MSR1: variants seen among roughly 807,000 people sequenced by gnomAD.
MSR1 encodes macrophage scavenger receptor types I and II.
In MSR1, 53 loss-of-function variants were observed where a neutral mutation model predicts 47.2. That is an observed-to-expected ratio of 1.12 (90% confidence interval 0.90 to 1.41). MSR1 has a LOEUF of 1.41. MSR1 is among the 40% of genes most tolerant of loss of function. MSR1 has a pLI of 0.00. For missense variants in MSR1, 786 were observed against 546.9 expected (o/e 1.44, Z -4.36); for synonymous variants, 239 against 185.6 (o/e 1.29, Z -2.34).
intron 1 of MSR1, among the ~76,000 whole-genome samples, chr8:16,189,388 C>CA (rs1239552768): frequency 2.1e-5 from 2 of 96,600 alleles, no homozygotes; most frequent in African/African-American, 4.5e-5. Flanking sequence ...TATATAAAAT[C>CA]TTATTTTATA....
rs779611478 is a variant in MSR1, at chr8:16,110,038, T to C, written c.*47A>G. 1.9e-6 allele frequency: 3 copies of C among 1,609,958 alleles called. No homozygotes were observed. The highest frequency in any genetic ancestry group is 1.3e-5 in the African/African-American group (1 of 74,990). On this transcript the variant is annotated 3_prime_UTR_variant, in exon 10 of 10. Transcript: ENST00000262101. ...ATTTTACAGGAACAAGGTAATAAAA[T>C]CATTTTTGAGCAGCGATTTCATAGT...
At chr8:16,146,791 A>G (rs1193230213) in intron 7 of MSR1, among the ~76,000 whole-genome samples, 1 of 152,114 alleles carries the variant, frequency 6.6e-6, no homozygotes, top group African/African-American at 2.4e-5. Flanking sequence ...CCCATAAAAT[A>G]TTATTAAAAT....
rs762529909 is a variant in MSR1, at chr8:16,168,507, A to G, written c.581T>C (p.Ile194Thr). 34 of 1,614,008 alleles carry G rather than the reference A, an allele frequency of 2.1e-5. No individual in the cohort carries two copies. The highest frequency in any genetic ancestry group is 1.3e-4 in the African/African-American group (10 of 74,920). The change falls in exon 4 of 10, where the codon ATA becomes ACA. Residue 194 changes from isoleucine (I) to threonine (T), a missense_variant. Transcript: ENST00000262101. ...TTGGATTTTGCCATTCAGATTTTCT[A>G]TGTTGAGCTGCAAATCAAGCAATGT... ...NTTLLDLQLN[I>T]ENLNGKIQEN... is the part of the protein sequence containing the mutation.
Position 16,168,477 on chromosome 8 carries a change from T to G in MSR1, c.611A>C (p.Asn204Thr), listed in dbSNP as rs1383661837. The G allele has an allele frequency of 6.2e-7, 1 of 1,614,044 alleles. No individual in the cohort carries two copies. The highest frequency in any genetic ancestry group is 1.7e-5 in the Admixed American group (1 of 59,994). Residue 204 changes from asparagine (N) to threonine (T), a missense_variant, in exon 4 of 10, where the codon AAT becomes ACT. Asn to Thr is a moderately conservative substitution (Grantham distance 65). Coordinates refer to ENST00000262101, the MANE Select transcript of MSR1 (RefSeq NM_138715.3). Reference sequence around the variant, plus strand: ...TCTTACCTCTTGTTGTTTGAAGGTATTCTCTTGGATTTTGCCATTCAGATT... The same window carrying G: ...TCTTACCTCTTGTTGTTTGAAGGTAGTCTCTTGGATTTTGCCATTCAGATT... ...IENLNGKIQENTFKQQEEISK... is the reference protein window; with the variant it reads ...IENLNGKIQETTFKQQEEISK...
At chr8:16,150,719 AGC>A (rs1325859618) in intron 6 of MSR1, among the ~76,000 whole-genome samples, 1 of 152,082 alleles carries the variant, frequency 6.6e-6, no homozygotes, top group African/African-American at 2.4e-5. Flanking sequence ...ATGCAACTCA[AGC>A]AATGTAAAGT....
intron 8 of MSR1, chr8:16,140,409 A>G (rs1463395750): frequency 1.0e-6 from 1 of 985,318 alleles, no homozygotes; most frequent in Non-Finnish European, 1.2e-6. Flanking sequence ...AAACAAATGG[A>G]TTTTTCCTAT....
At position 16,170,756 on chromosome 8, in the gene MSR1, T is replaced by C. The variant is rs139377799; in HGVS notation, c.218-1886A>G. Among the ~76,000 whole-genome samples, 884 of 152,278 alleles carry C rather than the reference T, an allele frequency of 5.8e-3. 8 individuals are homozygous for C. The highest frequency in any genetic ancestry group is 0.016 in the African/African-American group (678 of 41,578). On this transcript the variant is annotated intron_variant, in intron 3 of 9. Coordinates refer to ENST00000262101, the MANE Select transcript of MSR1 (RefSeq NM_138715.3). ...AGCTTGGTGTTTACATAGGATCTAGTTCCCTGATTCTAGAATCTTCCTACA... is the reference window on the plus strand; with the variant it reads ...AGCTTGGTGTTTACATAGGATCTAGCTCCCTGATTCTAGAATCTTCCTACA...
intron 1 of MSR1, among the ~76,000 whole-genome samples, chr8:16,179,682 C>G (rs1767106720): frequency 6.6e-6 from 1 of 151,776 alleles, no homozygotes; most frequent in African/African-American, 2.4e-5. Context: ...GATTTCGAGA[C>G]CAGCCTGGCC....
intron 1 of MSR1, among the ~76,000 whole-genome samples, chr8:16,184,827 G>C (rs967322238): frequency 8.6e-5 from 13 of 151,868 alleles, no homozygotes; most frequent in African/African-American, 3.1e-4. Context: ...GCATATAGAA[G>C]TGATAATAAA....
At chr8:16,132,864 T>C (rs1172030934) in intron 8 of MSR1, among the ~76,000 whole-genome samples, 3 of 152,144 alleles carry the variant, frequency 2.0e-5, no homozygotes. Context: ...TCAAGCAGAA[T>C]GTTTCCAGGT....
chr8:16,132,204 TC>T (rs1214412099), intron 8 of MSR1, among the ~76,000 whole-genome samples: 4 of 151,972 alleles, frequency 2.6e-5, no homozygotes. Flanking sequence ...AGTCCTTCAC[TC>T]CCCTTTTTAG....
At chr8:16,135,663 C>T (rs1181506932) in intron 8 of MSR1, among the ~76,000 whole-genome samples, 1 of 152,140 alleles carries the variant, frequency 6.6e-6, no homozygotes, top group Non-Finnish European at 1.5e-5. Flanking sequence ...GTAACTGACA[C>T]AGAGAGTGAT....
At chr8:16,131,441 G>GTTTTTTTTTTTTTT (rs56321577) in intron 8 of MSR1, among the ~76,000 whole-genome samples, 5 of 54,660 alleles carry the variant, frequency 9.1e-5, no homozygotes, top group African/African-American at 4.1e-4. Context: ...TCTGTTGATA[G>GTTTTTTTTTTTTTT]TTTTTTTTTT....
At chr8:16,111,516 G>C (rs757451381) in intron 9 of MSR1, among the ~76,000 whole-genome samples, 4 of 152,152 alleles carry the variant, frequency 2.6e-5, no homozygotes, top group Non-Finnish European at 5.9e-5. Flanking sequence ...AGGAAACTGA[G>C]AGTGGGAATT....
intron 9 of MSR1, among the ~76,000 whole-genome samples, chr8:16,112,224 T>A (rs889538746): frequency 1.3e-5 from 2 of 152,204 alleles, no homozygotes; most frequent in African/African-American, 4.8e-5. Flanking sequence ...AGTGAAAATT[T>A]TTTAAGTGCT....
At chr8:16,120,857 C>T (rs1234414629) in intron 8 of MSR1, 7 of 513,424 alleles carry the variant, frequency 1.4e-5, no homozygotes, top group Non-Finnish European at 2.1e-5. Context: ...GTTATATATA[C>T]GAGGACACGT....
rs552844462 is a variant in MSR1 at position 16,187,916 on chromosome 8, A to G, written c.-5+4682T>C. ...ATTTCAGCTGCTTACTCTGGTTATA[A>G]TCATTGTAATTTTTTAGTAACGTGA... On this transcript the variant is annotated intron_variant, in intron 1 of 9. Coordinates refer to ENST00000262101, the MANE Select transcript of MSR1 (RefSeq NM_138715.3). Among the ~76,000 whole-genome samples the G allele has an allele frequency of 2.6e-4, 39 of 152,312 alleles. No individual in the cohort carries two copies. In the South Asian group the frequency reaches 6.6e-3, roughly 26 times the overall value.
At chr8:16,152,759 T>TA (rs1219614329) in intron 6 of MSR1, among the ~76,000 whole-genome samples, 9 of 152,042 alleles carry the variant, frequency 5.9e-5, no homozygotes, top group Non-Finnish European at 1.3e-4. Flanking sequence ...TCACATGAGA[T>TA]AAAAAATCCT....
At chr8:16,172,587 T>C (rs1801517023) in intron 3 of MSR1, among the ~76,000 whole-genome samples, 2 of 152,270 alleles carry the variant, frequency 1.3e-5, no homozygotes, top group South Asian at 4.1e-4. Flanking sequence ...CTACAGATCA[T>C]ATCTACTCTT....
Sources: allele counts gnomAD v4.1 joint callset (sites outside exome capture counted in the v4.1 genomes callset), GRCh38; gene constraint gnomAD v4.1.1; transcripts MANE v1.5; gene names NCBI Gene and HGNC (gene_info 2026-07-23, HGNC 2026-07-21).